SNAP91: variants seen among roughly 807,000 people sequenced by gnomAD.
The protein encoded by SNAP91 is synaptosome associated protein 91, also known as clathrin coat assembly protein AP180.
In SNAP91, 27 loss-of-function variants were observed where a neutral mutation model predicts 100.3. That is an observed-to-expected ratio of 0.27 (90% CI 0.20 to 0.37). The LOEUF (loss-of-function observed/expected upper bound fraction) is 0.37, where lower values mean the gene tolerates loss of function less well. SNAP91 is among the 10% of genes least tolerant of loss of function. The pLI is 1.00. For missense variants in SNAP91, 986 were observed against 1,123.7 expected (o/e 0.88, Z 1.75); for synonymous variants, 404 against 398.6 (o/e 1.01, Z -0.16).
chr6:83,598,561 G>A (rs953216546), intron 16 of SNAP91, among the ~76,000 whole-genome samples: 2 of 152,090 alleles, frequency 1.3e-5, no homozygotes, highest in Admixed American at 1.3e-4. Flanking sequence ...TATTTCTAAA[G>A]AAATCTACTT....
At chr6:83,690,354 T>TTGGTTGTA in intron 2 of SNAP91, 1 of 1,287,150 alleles carries the variant, frequency 7.8e-7, no homozygotes, top group Non-Finnish European at 1.0e-6. Flanking sequence ...TCCTCATACT[T>TTGGTTGTA]TGGTTGTATG....
At chr6:83,596,490 G>C (rs2094484008) in intron 16 of SNAP91, among the ~76,000 whole-genome samples, 1 of 152,010 alleles carries the variant, frequency 6.6e-6, no homozygotes, top group African/African-American at 2.4e-5. Context: ...TTGGAACTGA[G>C]GCCAATAATA....
intron 8 of SNAP91, among the ~76,000 whole-genome samples, chr6:83,624,584 G>A (rs947124553): frequency 6.6e-6 from 1 of 152,090 alleles, no homozygotes; most frequent in African/African-American, 2.4e-5. Context: ...GGGTTTCTCA[G>A]TCTTGGCACT....
At chr6:83,630,905 TC>T (rs1204841791) in intron 8 of SNAP91, among the ~76,000 whole-genome samples, 1 of 152,136 alleles carries the variant, frequency 6.6e-6, no homozygotes, top group East Asian at 1.9e-4. Flanking sequence ...CATTCTTGTT[TC>T]TCTTGATCCT....
chr6:83,658,934 TA>T (rs2098470823), intron 6 of SNAP91, 64 bp downstream of exon 6: 3 of 1,206,032 alleles, frequency 2.5e-6, no homozygotes, highest in Admixed American at 2.1e-5. Flanking sequence ...GATTTACCTG[TA>T]GCCCATCTTC....
intron 11 of SNAP91, among the ~76,000 whole-genome samples, chr6:83,614,310 T>C (rs886162967): frequency 6.6e-6 from 1 of 152,122 alleles, no homozygotes; most frequent in Non-Finnish European, 1.5e-5. Context: ...TATATAAAGG[T>C]ATATCACAGA....
chr6:83,681,917 T>G (rs968798643), intron 2 of SNAP91, among the ~76,000 whole-genome samples: 2 of 152,112 alleles, frequency 1.3e-5, no homozygotes, highest in African/African-American at 4.8e-5. Context: ...AGAGGACCCA[T>G]TATCAAGTAA....
intron 22 of SNAP91, 66 bp downstream of exon 22, chr6:83,591,145 A>G (rs1482693316): frequency 9.5e-7 from 1 of 1,055,190 alleles, no homozygotes; most frequent in Non-Finnish European, 1.4e-6. Context: ...TGTAATTTTT[A>G]TAATTGTTAC....
Position 83,601,340 on chromosome 6 carries a change from T to C in SNAP91, c.1255A>G (p.Thr419Ala), listed in dbSNP as rs1014063404. The C allele has an allele frequency of 4.3e-6, 7 of 1,613,476 alleles. No individual in the cohort carries two copies. The highest frequency in any genetic ancestry group is 5.9e-6 in the Non-Finnish European group (7 of 1,179,774). ...GTAGTGGAGGCAGAAGCTGAGGCAG[T>C]TGCAATTTCAGCAGTTGTAGTAGGA... ...TPPTTTAEIA[T>A]ASASASTTTT... The change falls in exon 16 of 30, where the codon ACT becomes GCT. Residue 419 changes from threonine (T) to alanine (A), a missense_variant. Physicochemically the swap from Thr to Ala is moderately conservative, Grantham distance 58. This residue lies in a region of SNAP91 where 575 missense variants were observed against 579.9 expected (regional missense o/e 0.99). Transcript: ENST00000369694.
At chr6:83,571,452 T>C (rs2128033655) in intron 26 of SNAP91, among the ~76,000 whole-genome samples, 1 of 152,320 alleles carries the variant, frequency 6.6e-6, no homozygotes, top group East Asian at 1.9e-4. Context: ...AGACTTGGCG[T>C]CAAAGGAGAT....
chr6:83,619,792 G>A (rs901573062), intron 9 of SNAP91, among the ~76,000 whole-genome samples: 2 of 151,864 alleles, frequency 1.3e-5, no homozygotes, highest in Non-Finnish European at 2.9e-5. Flanking sequence ...TTCTTTTCTC[G>A]GAACAAATTC....
chr6:83,697,052 C>A, intron 2 of SNAP91, among the ~76,000 whole-genome samples: 1 of 151,794 alleles, frequency 6.6e-6, no homozygotes, highest in East Asian at 1.9e-4. Context: ...GCAAAAGAAC[C>A]CTAAGTTTTA....
chr6:83,575,242 T>A (rs960375855), intron 25 of SNAP91, 121 bp from the exon 26 acceptor site: 1 of 712,802 alleles, frequency 1.4e-6, no homozygotes, highest in African/African-American at 1.8e-5. Flanking sequence ...TCAAGTGGTA[T>A]AGTAATAAGA....
intron 2 of SNAP91, among the ~76,000 whole-genome samples, chr6:83,666,533 C>CAGCGCATGCAACAAACATGCAACAA (rs1423482807): frequency 6.6e-6 from 1 of 152,060 alleles, no homozygotes; most frequent in East Asian, 1.9e-4. Flanking sequence ...AACAAACATG[C>CAGCGCATGCAACAAACATGCAACAA]ACATGTATTC....
intron 26 of SNAP91, among the ~76,000 whole-genome samples, chr6:83,571,106 A>G (rs1237439027): frequency 4.1e-5 from 6 of 144,980 alleles, no homozygotes; most frequent in Non-Finnish European, 9.1e-5. Context: ...ATGGGCGCCC[A>G]CCTCTTTTTT....
chr6:83,700,612 A>T (rs1344435632), intron 2 of SNAP91, among the ~76,000 whole-genome samples: 1 of 151,616 alleles, frequency 6.6e-6, no homozygotes, highest in Non-Finnish European at 1.5e-5. Flanking sequence ...GATTTCAGAT[A>T]GTTTTTTGTT....
At chr6:83,700,880 G>A (rs1429071765) in intron 2 of SNAP91, among the ~76,000 whole-genome samples, 1 of 152,156 alleles carries the variant, frequency 6.6e-6, no homozygotes, top group Non-Finnish European at 1.5e-5. Context: ...TTACAGGCAA[G>A]AGCCACTGCA....
At position 83,701,283 on chromosome 6, in the gene SNAP91, C is replaced by G. The variant is rs540727337; in HGVS notation, c.130+6515G>C. Among the ~76,000 whole-genome samples the G allele has an allele frequency of 1.1e-4, 17 of 152,050 alleles. No individual in the cohort carries two copies. The East Asian group carries it at 3.1e-3, about 28-fold the overall frequency. On this transcript the variant is annotated intron_variant, in intron 2 of 29. Transcript: ENST00000369694. ...CAGAAGATGTTAAAGATAGAGATGA[C>G]AGAGAGAATAACTCATGTAGAAAGG...
At chr6:83,662,610 C>T (rs563992803) in intron 3 of SNAP91, among the ~76,000 whole-genome samples, 188 bp from the exon 4 acceptor site, 2 of 151,806 alleles carry the variant, frequency 1.3e-5, no homozygotes, top group Admixed American at 6.6e-5. Context: ...TTAAATTGTA[C>T]GATCTTTCAT....
Sources: allele counts gnomAD v4.1 joint callset (sites outside exome capture counted in the v4.1 genomes callset), GRCh38; gene constraint gnomAD v4.1.1; regional missense constraint gnomAD v4.1.1; transcripts MANE v1.5; gene names NCBI Gene and HGNC (gene_info 2026-07-23, HGNC 2026-07-21).